Variants in TENM3 observed in about 807,000 individuals in gnomAD.
The protein encoded by TENM3 is teneurin transmembrane protein 3.
TENM3 carries 63 observed loss-of-function variants against 255.1 expected under a neutral mutation model. The observed-to-expected ratio is 0.25, with a 90% confidence interval of 0.20 to 0.30. The LOEUF is 0.30. Ranked by LOEUF, TENM3 falls within the 10% of genes least tolerant of loss-of-function variation. TENM3 has a pLI of 1.00. For synonymous variants in TENM3, 1,306 were observed against 1,322.3 expected (o/e 0.99, Z 0.27); for missense variants, 2,929 against 3,461.1 (o/e 0.85, Z 3.86).
Position 182,250,213 on chromosome 4 carries a change from C to T in TENM3, c.-76+6737C>T, listed in dbSNP as rs190824988. 5.4e-3 allele frequency among the ~76,000 whole-genome samples: 820 copies of T among 151,500 alleles called. 7 individuals carry two copies. The highest frequency in any genetic ancestry group is 0.014 in the Middle Eastern group (4 of 290). On this transcript the variant is annotated intron_variant, in intron 1 of 27. Coordinates refer to ENST00000511685, the MANE Select transcript of TENM3 (RefSeq NM_001080477.4). ...GACCACAGGCGCCCGCCACCACGCC[C>T]GGCTACTTTTTTGTATTTTTAGTAG...
chr4:181,671,678 C>T, the TENM3 span, among the ~76,000 whole-genome samples: 1 of 152,134 alleles, frequency 6.6e-6, no homozygotes, highest in Admixed American at 6.6e-5. Context: ...TATTGCATAG[C>T]AGGTTAGTAC....
At chr4:182,762,998 C>T (rs78654479) in intron 22 of TENM3, among the ~76,000 whole-genome samples, 3 of 73,430 alleles carry the variant, frequency 4.1e-5, no homozygotes, top group Non-Finnish European at 5.9e-5. Flanking sequence ...CAAGAGAGAC[C>T]CCCCACAACT....
At chr4:182,209,876 G>A (rs1164762688) in intron 1 of TENM3, among the ~76,000 whole-genome samples, 2 of 152,042 alleles carry the variant, frequency 1.3e-5, no homozygotes, top group African/African-American at 4.8e-5. Flanking sequence ...AGACCTAGGT[G>A]AGTGAAGTCA....
intron 1 of TENM3, among the ~76,000 whole-genome samples, chr4:182,277,234 G>A (rs1278263121): frequency 2.0e-5 from 3 of 152,180 alleles, no homozygotes; most frequent in Non-Finnish European, 4.4e-5. Flanking sequence ...TGAGTATGCA[G>A]TGCCAGATTA....
intron 13 of TENM3, among the ~76,000 whole-genome samples, chr4:182,717,947 G>A (rs1188327127): frequency 6.6e-6 from 1 of 152,192 alleles, no homozygotes; most frequent in Non-Finnish European, 1.5e-5. Flanking sequence ...GCGATCTGGA[G>A]TGGGGGTTAA....
At chr4:182,659,034 G>A (rs1753991966) in intron 6 of TENM3, among the ~76,000 whole-genome samples, 1 of 152,180 alleles carries the variant, frequency 6.6e-6, no homozygotes, top group South Asian at 2.1e-4. Context: ...ACATTCTGCT[G>A]GTCAGGAAGT....
chr4:182,104,053 C>T, the TENM3 span, among the ~76,000 whole-genome samples: 5 of 152,262 alleles, frequency 3.3e-5, no homozygotes, highest in South Asian at 2.1e-4. Context: ...CTTGCACCAG[C>T]GAAGTGCTGG....
chr4:181,939,331 A>G, the TENM3 span, among the ~76,000 whole-genome samples: 1 of 152,198 alleles, frequency 6.6e-6, no homozygotes, highest in Non-Finnish European at 1.5e-5. Flanking sequence ...GTGCTCTAGA[A>G]TCGGCGTGTA....
the TENM3 span, among the ~76,000 whole-genome samples, chr4:181,526,268 TAAA>T: frequency 5.5e-5 from 8 of 145,076 alleles, no homozygotes; most frequent in African/African-American, 2.0e-4. Context: ...GAATCCAAAT[TAAA>T]AAAAAAAAAC....
chr4:182,543,770 T>C (rs1479248569), intron 3 of TENM3, among the ~76,000 whole-genome samples: 1 of 152,176 alleles, frequency 6.6e-6, no homozygotes, highest in Admixed American at 6.5e-5. Flanking sequence ...ATATTTTTTT[T>C]TTAGTTTGTG....
the TENM3 span, among the ~76,000 whole-genome samples, chr4:182,033,338 T>A: frequency 3.2e-4 from 48 of 152,184 alleles, no homozygotes; most frequent in African/African-American, 1.1e-3. Flanking sequence ...TCACTTTCCA[T>A]ATAGTTGTGT....
the TENM3 span, among the ~76,000 whole-genome samples, chr4:181,463,631 G>C: frequency 6.6e-6 from 1 of 152,100 alleles, no homozygotes; most frequent in African/African-American, 2.4e-5. Flanking sequence ...ATTTCTTAGT[G>C]TACTATCTTT....
chr4:182,734,314 A>G (rs1472227171), intron 16 of TENM3, among the ~76,000 whole-genome samples: 4 of 152,198 alleles, frequency 2.6e-5, no homozygotes, highest in African/African-American at 7.2e-5. Flanking sequence ...AGATGACCCC[A>G]GGGCCAGCTG....
intron 1 of TENM3, among the ~76,000 whole-genome samples, chr4:182,312,109 C>T (rs1364388920): frequency 6.6e-6 from 1 of 152,216 alleles, no homozygotes; most frequent in East Asian, 1.9e-4. Context: ...AGTTCCTCAT[C>T]TCTATAACTG....
At chr4:181,497,980 A>C in the TENM3 span, among the ~76,000 whole-genome samples, 1 of 152,210 alleles carries the variant, frequency 6.6e-6, no homozygotes, top group African/African-American at 2.4e-5. Context: ...ACTGCAGTAC[A>C]AGAATTCAAA....
At chr4:182,101,698 T>C in the TENM3 span, among the ~76,000 whole-genome samples, 1 of 152,156 alleles carries the variant, frequency 6.6e-6, no homozygotes, top group South Asian at 2.1e-4. Context: ...TCAGATCTAC[T>C]GGACAGCAAG....
At chr4:182,070,289 C>G in the TENM3 span, among the ~76,000 whole-genome samples, 1 of 152,222 alleles carries the variant, frequency 6.6e-6, no homozygotes, top group South Asian at 2.1e-4. Flanking sequence ...TCAGCTAATG[C>G]CTTACAAATA....
intron 3 of TENM3, among the ~76,000 whole-genome samples, chr4:182,358,496 C>T (rs1300898847): frequency 2.0e-5 from 2 of 99,400 alleles, no homozygotes; most frequent in Non-Finnish European, 4.4e-5. Flanking sequence ...AATGGGAGTT[C>T]CCTCATGATT....
chr4:182,055,200 AGCCCAGCATGGT>A, the TENM3 span, among the ~76,000 whole-genome samples: 1 of 152,068 alleles, frequency 6.6e-6, no homozygotes, highest in Non-Finnish European at 1.5e-5. Context: ...TACAAACATT[AGCCCAGCATGGT>A]GGTGCACACC....
Sources: allele counts gnomAD v4.1 joint callset (sites outside exome capture counted in the v4.1 genomes callset), GRCh38; gene constraint gnomAD v4.1.1; transcripts MANE v1.5; gene names NCBI Gene and HGNC (gene_info 2026-07-23, HGNC 2026-07-21).